PRKG1: variants seen among roughly 807,000 people sequenced by gnomAD.
PRKG1 encodes cGMP-dependent protein kinase 1.
PRKG1 carries 35 observed loss-of-function variants against 88.1 expected under a neutral mutation model. The observed-to-expected ratio is 0.40, with a 90% CI of 0.30 to 0.53. The LOEUF (loss-of-function observed/expected upper bound fraction) is 0.53, where lower values mean the gene tolerates loss of function less well. Among genes scored for constraint, PRKG1 ranks in the 20% least tolerant of loss-of-function variants. The pLI is 0.59. For synonymous variants in PRKG1, 303 were observed against 292.5 expected, an observed-to-expected ratio of 1.04 and a Z score of -0.37; for missense variants, 540 against 839.8, an observed-to-expected ratio of 0.64 and a Z score of 4.41.
intron 1 of PRKG1, among the ~76,000 whole-genome samples, chr10:51,122,222 C>T (rs1174401422): frequency 6.6e-6 from 1 of 152,172 alleles, no homozygotes; most frequent in Non-Finnish European, 1.5e-5. Flanking sequence ...TAGAGCTCTA[C>T]CATCCCACAT....
chr10:51,112,200 C>A (rs1296145420), intron 1 of PRKG1, among the ~76,000 whole-genome samples: 2 of 152,086 alleles, frequency 1.3e-5, no homozygotes, highest in African/African-American at 2.4e-5. Flanking sequence ...CAGTGGTAAG[C>A]ACTAGCTAGC....
At chr10:52,168,957 G>T (rs978455458) in intron 9 of PRKG1, among the ~76,000 whole-genome samples, 2 of 152,158 alleles carry the variant, frequency 1.3e-5, no homozygotes, top group South Asian at 2.1e-4. Context: ...GGTTAGGCAG[G>T]TCTGGTGCTC....
At chr10:51,386,491 T>C (rs558108380) in intron 2 of PRKG1, among the ~76,000 whole-genome samples, 7 of 152,196 alleles carry the variant, frequency 4.6e-5, no homozygotes, top group African/African-American at 1.7e-4. Flanking sequence ...CCAAGAACAG[T>C]GCATGCTTCA....
At chr10:51,627,988 CTT>C (rs1438634978) in intron 3 of PRKG1, among the ~76,000 whole-genome samples, 46 of 29,790 alleles carry the variant, frequency 1.5e-3, no homozygotes, top group African/African-American at 5.3e-3. Flanking sequence ...TTCTTTCTTT[CTT>C]TCTCTCTCTC....
intron 5 of PRKG1, among the ~76,000 whole-genome samples, chr10:51,991,291 T>A (rs1177366412): frequency 6.6e-6 from 1 of 152,196 alleles, no homozygotes; most frequent in African/African-American, 2.4e-5. Context: ...TGGGACAATT[T>A]TAATTCCTCC....
chr10:51,534,755 A>G (rs549053515), intron 3 of PRKG1, among the ~76,000 whole-genome samples: 1 of 152,242 alleles, frequency 6.6e-6, no homozygotes, highest in South Asian at 2.1e-4. Flanking sequence ...GCCAAGAATG[A>G]CAAGAAAAAA....
At chr10:51,049,394 T>G (rs1190822654) in intron 1 of PRKG1, among the ~76,000 whole-genome samples, 1 of 152,222 alleles carries the variant, frequency 6.6e-6, no homozygotes, top group Non-Finnish European at 1.5e-5. Flanking sequence ...TTCAGGCTAA[T>G]GAGGAAACAA....
chr10:52,179,767 C>T (rs1838965031), intron 9 of PRKG1, among the ~76,000 whole-genome samples: 1 of 152,212 alleles, frequency 6.6e-6, no homozygotes, highest in Non-Finnish European at 1.5e-5. Flanking sequence ...CAGCTCACTA[C>T]AACCTGCACC....
chr10:52,114,996 G>A (rs200359759), intron 7 of PRKG1, among the ~76,000 whole-genome samples: 3 of 152,050 alleles, frequency 2.0e-5, no homozygotes, highest in Admixed American at 6.6e-5. Context: ...TCACGCACAC[G>A]AAATATCATG....
chr10:51,597,978 T>C (rs1838499120), intron 3 of PRKG1, among the ~76,000 whole-genome samples: 1 of 152,166 alleles, frequency 6.6e-6, no homozygotes, highest in Admixed American at 6.5e-5. Flanking sequence ...GAAGGAGATA[T>C]ATCCCTAAAA....
At chr10:52,277,634 T>G (rs967665873) in intron 12 of PRKG1, among the ~76,000 whole-genome samples, 1 of 152,114 alleles carries the variant, frequency 6.6e-6, no homozygotes. Context: ...GAACAAACAG[T>G]AAATGGAGTC....
At chr10:52,092,860 A>G (rs1729028729) in intron 7 of PRKG1, among the ~76,000 whole-genome samples, 1 of 152,184 alleles carries the variant, frequency 6.6e-6, no homozygotes, top group African/African-American at 2.4e-5. Flanking sequence ...ACACAAACTG[A>G]AAAATCAATT....
intron 14 of PRKG1, among the ~76,000 whole-genome samples, chr10:52,285,924 A>G (rs1842107412): frequency 6.6e-6 from 1 of 152,088 alleles, no homozygotes; most frequent in African/African-American, 2.4e-5. Context: ...CATAGATATG[A>G]TTTCAGAAAG....
chr10:51,374,508 G>T (rs1003440062), intron 2 of PRKG1, among the ~76,000 whole-genome samples: 7 of 152,106 alleles, frequency 4.6e-5, no homozygotes, highest in African/African-American at 1.7e-4. Flanking sequence ...TTTAGGTCTT[G>T]AGGACTCCTC....
intron 10 of PRKG1, among the ~76,000 whole-genome samples, chr10:52,256,332 G>A (rs566544463): frequency 7.2e-6 from 1 of 138,256 alleles, no homozygotes; most frequent in Non-Finnish European, 1.6e-5. Context: ...ATCCTTTTCT[G>A]CTCCTAGTTT....
At chr10:51,710,977 A>G (rs890020007) in intron 3 of PRKG1, among the ~76,000 whole-genome samples, 1 of 152,170 alleles carries the variant, frequency 6.6e-6, no homozygotes, top group Non-Finnish European at 1.5e-5. Flanking sequence ...GATTACAGGT[A>G]TGAGCCACTG....
At chr10:52,266,490 G>A (rs1841573659) in intron 10 of PRKG1, among the ~76,000 whole-genome samples, 1 of 151,734 alleles carries the variant, frequency 6.6e-6, no homozygotes, top group Admixed American at 6.6e-5. Context: ...CTGTTCCTGC[G>A]TTAGTTTGCT....
rs181594695 is a variant in PRKG1, at chr10:52,018,931, G to A, written c.763-35553G>A. Among the ~76,000 whole-genome samples, 787 of 151,628 alleles carry A rather than the reference G, an allele frequency of 5.2e-3. 7 individuals are homozygous for A. Among genetic ancestry groups the A allele is most frequent in the South Asian group, 0.016 (75 of 4,772 alleles). Reference sequence around the variant, plus strand: ...GTTAGGATCTGTCTTTGTCTGCTTCGTGTTGCTAAAAAGGAACACTTGCGC... The same window carrying A: ...GTTAGGATCTGTCTTTGTCTGCTTCATGTTGCTAAAAAGGAACACTTGCGC... On this transcript the variant is annotated intron_variant, in intron 5 of 17. Coordinates refer to ENST00000373980, the MANE Select transcript of PRKG1 (RefSeq NM_006258.4).
At chr10:51,803,322 G>A (rs2132608681) in intron 3 of PRKG1, among the ~76,000 whole-genome samples, 1 of 152,078 alleles carries the variant, frequency 6.6e-6, no homozygotes, top group Non-Finnish European at 1.5e-5. Flanking sequence ...AGCATGTTTT[G>A]TTTTTTCTTT....
Sources: allele counts gnomAD v4.1 joint callset (sites outside exome capture counted in the v4.1 genomes callset), GRCh38; gene constraint gnomAD v4.1.1; transcripts MANE v1.5; gene names NCBI Gene and HGNC (gene_info 2026-07-23, HGNC 2026-07-21).